Variants in INTS3 observed in about 807,000 individuals in gnomAD.
INTS3 encodes integrator complex subunit 3, also known as SOSS complex subunit A.
INTS3 carries 34 observed loss-of-function variants against 146.3 expected under a neutral mutation model. The observed-to-expected ratio is 0.23, with a 90% confidence interval of 0.18 to 0.31. INTS3 has a LOEUF of 0.31. Ranked by LOEUF, INTS3 falls within the 10% of genes least tolerant of loss-of-function variation. The probability of loss-of-function intolerance (pLI) is 1.00; values close to 1 mark genes in which losing one functional copy is unlikely to be tolerated. For missense variants in INTS3, 757 were observed against 1,304.2 expected (o/e 0.58, Z 6.46); for synonymous variants, 475 against 494.9 (o/e 0.96, Z 0.53).
chr1:153,768,423 C>T (rs1672683763), intron 21 of INTS3, among the ~76,000 whole-genome samples: 1 of 152,148 alleles, frequency 6.6e-6, no homozygotes, highest in African/African-American at 2.4e-5. Flanking sequence ...GTACTTTCCT[C>T]CCCCTTCTCT....
Position 153,772,371 on chromosome 1 carries a change from C to G in INTS3, c.2752C>G (p.Leu918Val). 6.2e-7 allele frequency: 1 copy of G among 1,614,158 alleles called. No individual in the cohort carries two copies. Among genetic ancestry groups the G allele is most frequent in the South Asian group, 1.1e-5 (1 of 91,092 alleles). The change falls in exon 27 of 30, where the codon CTG becomes GTG. Residue 918 changes from leucine (L) to valine (V), a missense_variant. This residue lies in a region of INTS3 where 125 missense variants were observed against 165.6 expected (regional missense o/e 0.75). Coordinates refer to ENST00000318967, the MANE Select transcript of INTS3 (RefSeq NM_023015.5). This position sits in a 1 kb window ranked among gnomAD's most constrained non-coding sequence, Gnocchi z 4.6. ...GAGCTCTAGCAGCAAGCTGGCCCAGCTGACTCTGGAGCAGATCCTGGAGCA... is the reference window on the plus strand; with the variant it reads ...GAGCTCTAGCAGCAAGCTGGCCCAGGTGACTCTGGAGCAGATCCTGGAGCA... ...LRSSSSKLAQ[L>V]TLEQILEHLD...
At position 153,767,761 on chromosome 1, in the gene INTS3, C is replaced by T. The variant is rs757285351; in HGVS notation, c.2178C>T (p.Asp726=). Reference sequence around the variant, plus strand: ...ATCTGCACACCTGCCTGATGATGGACATGAAGGCCTGCCAGGAGGACGATG... The same window carrying T: ...ATCTGCACACCTGCCTGATGATGGATATGAAGGCCTGCCAGGAGGACGATG... The part of the protein sequence containing the change: ...LGDLHTCLMM[D]MKACQEDDVR... The change falls in exon 21 of 30, where the codon GAC becomes GAT. Residue 726 remains aspartate, a synonymous_variant. Transcript: ENST00000318967. 11 of 1,613,664 alleles carry T rather than the reference C, an allele frequency of 6.8e-6. No individual in the cohort carries two copies. The highest frequency in any genetic ancestry group is 9.3e-6 in the Non-Finnish European group (11 of 1,179,794).
rs778071840 is a variant in INTS3, at chr1:153,761,639, T to G, written c.1479T>G (p.Phe493Leu). ...KELRAMLREKFPEFCSSPSPP... is the reference protein window; with the variant it reads ...KELRAMLREKLPEFCSSPSPP... ...TGCGGGCAATGCTGAGAGAGAAGTT[T>G]CCTGAGTTCTGCAGCTCACCCTCCC... The change falls in exon 14 of 30, where the codon TTT becomes TTG. Residue 493 changes from phenylalanine (F) to leucine (L), a missense_variant. Transcript: ENST00000318967. 1 of 1,614,142 alleles carries G rather than the reference T, an allele frequency of 6.2e-7. No homozygotes were observed.
At chr1:153,763,767 G>A (rs1321676282) in intron 16 of INTS3, 65 bp from the exon 17 acceptor site, 17 of 1,353,306 alleles carry the variant, frequency 1.3e-5, no homozygotes, top group Non-Finnish European at 1.5e-5. Context: ...CACTGTTCTG[G>A]GTGTGTGTCC....
In INTS3 at chr1:153,763,285, G is replaced by T; in HGVS notation, c.1689G>T (p.Glu563Asp). 1 of 1,614,198 alleles carries T rather than the reference G, an allele frequency of 6.2e-7. No homozygotes were observed. The highest frequency in any genetic ancestry group is 8.5e-7 in the Non-Finnish European group (1 of 1,180,002). The change falls in exon 16 of 30, where the codon GAG becomes GAT. Residue 563 changes from glutamate (E) to aspartate (D), a missense_variant. Transcript: ENST00000318967. Reference protein sequence around the residue: ...FHPIKETVVEEPVDITPYLDQ... With the variant: ...FHPIKETVVEDPVDITPYLDQ... The stretch of plus-strand genomic sequence containing the variant: ...CTATCAAGGAGACAGTTGTGGAGGA[G>T]CCAGTTGATATCACCCCTTACCTTG...
intron 3 of INTS3, among the ~76,000 whole-genome samples, chr1:153,742,478 C>CTCTGTGTGTGTGTGTGTG (rs146023592): frequency 7.5e-5 from 11 of 147,436 alleles, no homozygotes; most frequent in Admixed American, 6.8e-4. Context: ...TTTTTAATCT[C>CTCTGTGTGTGTGTGTGTG]TGTGTGTGTG....
chr1:153,737,863 A>G (rs543398404), intron 1 of INTS3, among the ~76,000 whole-genome samples: 1 of 152,198 alleles, frequency 6.6e-6, no homozygotes, highest in South Asian at 2.1e-4. Context: ...CATTGTTTTT[A>G]AAGTTTGTTC....
At chr1:153,737,103 T>C (rs1005135719) in intron 1 of INTS3, among the ~76,000 whole-genome samples, 9 of 152,164 alleles carry the variant, frequency 5.9e-5, no homozygotes, top group African/African-American at 2.2e-4. Context: ...ATTATCCATA[T>C]TTGTCAGTTC....
In INTS3 at chr1:153,763,797, T is replaced by G. The variant is rs773498778; in HGVS notation, c.1767-35T>G. On this transcript the variant is annotated intron_variant, in intron 16 of 29. Coordinates refer to ENST00000318967, the MANE Select transcript of INTS3 (RefSeq NM_023015.5). ...GTGTCCTGCCCTCTGCTATCATTTA[T>G]GTCCCTGGGATTTCCTCTCATTTCT... 6.3e-6 allele frequency: 10 copies of G among 1,595,492 alleles called. No homozygotes were observed. The South Asian group carries it at 1.1e-4, about 18-fold the overall frequency.
chr1:153,731,170 C>G (rs569480790), intron 1 of INTS3, among the ~76,000 whole-genome samples: 1 of 151,980 alleles, frequency 6.6e-6, no homozygotes, highest in Non-Finnish European at 1.5e-5. Flanking sequence ...AACACGCCCA[C>G]AAGAAGGTAA....
At chr1:153,761,501 A>G in intron 13 of INTS3, 69 bp from the exon 14 acceptor site, 2 of 1,133,820 alleles carry the variant, frequency 1.8e-6, no homozygotes, top group Non-Finnish European at 2.6e-6. Flanking sequence ...TGAGAGTGAC[A>G]CTCTGTCTCA....
intron 19 of INTS3, 76 bp from the exon 20 acceptor site, chr1:153,764,868 T>G (rs1431309557): frequency 1.9e-6 from 3 of 1,595,192 alleles, no homozygotes; most frequent in Non-Finnish European, 2.6e-6. Context: ...AGACAGCCCA[T>G]GCCACCTGAG....
chr1:153,773,648 G>C lies in INTS3; in HGVS notation c.*378G>C, dbSNP rs1558013829. On this transcript the variant is annotated 3_prime_UTR_variant, in exon 30 of 30. Transcript: ENST00000318967. ...AAGGGAAATGACAAAGGGGCAGCTG[G>C]CCAGATAAGCTAGGATGAGAGCAGA... The C allele has an allele frequency of 3.2e-6, 1 of 313,818 alleles. No individual in the cohort carries two copies. Among genetic ancestry groups the C allele is most frequent in the Non-Finnish European group, 6.3e-6 (1 of 157,886 alleles). 19.4% of individuals were successfully genotyped at this position (313,818 alleles called of 1,614,324 possible). A position where few individuals can be genotyped will look rare whatever the true frequency, so the allele number is the denominator to read the frequency against.
At chr1:153,734,678 C>G (rs1671222379) in intron 1 of INTS3, among the ~76,000 whole-genome samples, 1 of 152,212 alleles carries the variant, frequency 6.6e-6, no homozygotes, top group Non-Finnish European at 1.5e-5. Flanking sequence ...GGAGGCTCAG[C>G]TAGCCCTTTG....
intron 5 of INTS3, 117 bp downstream of exon 5, chr1:153,747,480 T>G: frequency 2.6e-6 from 2 of 778,014 alleles, no homozygotes; most frequent in South Asian, 2.9e-5. Context: ...TTAGACTGTT[T>G]CCTTCTGATA....
intron 23 of INTS3, 140 bp from the exon 24 acceptor site, chr1:153,770,058 G>GGGT (rs1397493830): frequency 8.6e-4 from 384 of 444,116 alleles, no homozygotes; most frequent in Middle Eastern, 1.2e-3. Context: ...AGTGGATTGG[G>GGGT]GTGTGTGTGT....
At position 153,752,645 on chromosome 1, in the gene INTS3, G is replaced by C. The variant is rs1672001281; in HGVS notation, c.859+237G>C. The stretch of plus-strand genomic sequence containing the variant: ...ACTCCAGCTGCCACATTACTACTAA[G>C]AAAAAAGTGAGACAGATAACTGTAG... On this transcript the variant is annotated intron_variant, in intron 8 of 29. Coordinates refer to ENST00000318967, the MANE Select transcript of INTS3 (RefSeq NM_023015.5). Among the ~76,000 whole-genome samples, 2 of 152,128 alleles carry C rather than the reference G, an allele frequency of 1.3e-5. 1 individual carries two copies. The highest frequency in any genetic ancestry group is 4.1e-4 in the South Asian group (2 of 4,828).
chr1:153,770,177 T>G lies in INTS3; in HGVS notation c.2390-21T>G, dbSNP rs199852846. 4.2e-4 allele frequency: 584 copies of G among 1,379,350 alleles called. No homozygotes were observed. The highest frequency in any genetic ancestry group is 4.2e-4 in the Non-Finnish European group (404 of 970,434). The allele number at this position is 1,379,350 out of a possible 1,614,324, so 85.4% of individuals were successfully genotyped here. A position where few individuals can be genotyped will look rare whatever the true frequency, so the allele number is the denominator to read the frequency against. ...TTCGTTTGTTCATTCTTGAGAGAGA[T>G]GTTTCTTTTGTCTCTTCCAGTTCAG... On this transcript the variant is annotated intron_variant, in intron 23 of 29. Coordinates refer to ENST00000318967, the MANE Select transcript of INTS3 (RefSeq NM_023015.5).
intron 8 of INTS3, among the ~76,000 whole-genome samples, 160 bp downstream of exon 8, chr1:153,752,568 G>A: frequency 6.6e-6 from 1 of 152,200 alleles, no homozygotes; most frequent in Non-Finnish European, 1.5e-5. Flanking sequence ...AACTGCGAAT[G>A]GCAGAGGTAC....
Sources: gnomAD v4.1 joint callset for allele counts (sites outside exome capture counted in the v4.1 genomes callset) on GRCh38, gnomAD v4.1.1 for gene constraint, gnomAD v4.1.1 regional missense constraint, Gnocchi (gnomAD v3.1) non-coding constraint, MANE v1.5 for transcripts, NCBI Gene and HGNC (gene_info 2026-07-23, HGNC 2026-07-21) for gene names.